Variants in F11R observed in about 807,000 individuals in gnomAD.
The protein encoded by F11R is junctional adhesion molecule A.
A neutral mutation model predicts 39.3 loss-of-function variants in F11R; 27 were observed. The observed-to-expected ratio is 0.69, with a 90% CI of 0.51 to 0.95. The LOEUF (loss-of-function observed/expected upper bound fraction) is 0.95, where lower values mean the gene tolerates loss of function less well. F11R is among the 40% of genes least tolerant of loss of function. The pLI, the probability that F11R is intolerant of heterozygous loss-of-function variation, is 0.00. For missense variants in F11R, 335 were observed against 372.7 expected, an observed-to-expected ratio of 0.90 and a Z score of 0.83; for synonymous variants, 131 against 144.9, an observed-to-expected ratio of 0.90 and a Z score of 0.69.
intron 1 of F11R, among the ~76,000 whole-genome samples, chr1:161,002,083 G>A (rs997043379): frequency 6.6e-6 from 1 of 151,958 alleles, no homozygotes; most frequent in Non-Finnish European, 1.5e-5. Context: ...GGCCAATATG[G>A]TGAAACCCCA....
intron 1 of F11R, among the ~76,000 whole-genome samples, chr1:161,004,673 C>T (rs1648698392): frequency 1.3e-5 from 2 of 152,004 alleles, no homozygotes. Context: ...CACACCAATG[C>T]ATTCCAGCCT....
chr1:160,998,792 A>G lies in F11R; in HGVS notation c.*79T>C. 7.0e-7 allele frequency: 1 copy of G among 1,420,328 alleles called. No individual in the cohort carries two copies. The highest frequency in any genetic ancestry group is 9.9e-7 in the Non-Finnish European group (1 of 1,005,328). The allele number at this position is 1,420,328 out of a possible 1,614,324, so 88.0% of individuals were successfully genotyped here. A position where few individuals can be genotyped will look rare whatever the true frequency, so the allele number is the denominator to read the frequency against. Reference sequence around the variant, plus strand: ...AGAAGACAAATAAGGCATCCTGTGAAACTACAGACATCAGGGGCCAGAGTC... The same window carrying G: ...AGAAGACAAATAAGGCATCCTGTGAGACTACAGACATCAGGGGCCAGAGTC... On this transcript the variant is annotated 3_prime_UTR_variant, in exon 10 of 10. Coordinates refer to ENST00000368026, the MANE Select transcript of F11R (RefSeq NM_016946.6).
chr1:161,020,553 C>T (rs953434194), intron 1 of F11R, among the ~76,000 whole-genome samples: 9 of 152,244 alleles, frequency 5.9e-5, no homozygotes, highest in Non-Finnish European at 1.0e-4. Context: ...AGACCACCTC[C>T]ATTTGATTTT....
At chr1:161,014,194 G>A (rs977516186) in intron 1 of F11R, among the ~76,000 whole-genome samples, 1 of 152,200 alleles carries the variant, frequency 6.6e-6, no homozygotes, top group South Asian at 2.1e-4. Context: ...AAACTGGTTT[G>A]AGTTTAGAGA....
intron 1 of F11R, among the ~76,000 whole-genome samples, chr1:161,008,208 T>C (rs1472544234): frequency 2.0e-5 from 3 of 152,142 alleles, no homozygotes; most frequent in Non-Finnish European, 2.9e-5. Flanking sequence ...AGAAAGTCCA[T>C]TCTCCAGCCA....
At position 161,009,130 on chromosome 1, in the gene F11R, T is replaced by C. The variant is rs543775898; in HGVS notation, c.65-7777A>G. 5.6e-4 allele frequency among the ~76,000 whole-genome samples: 86 copies of C among 152,262 alleles called. No individual in the cohort carries two copies. In the South Asian group the frequency reaches 0.013, roughly 22 times the overall value. Reference sequence around the variant, plus strand: ...CTATTTCTGCTATGTAGAACACCCTTTTCCCCCTCTTTATCTGGGCAGCAG... The same window carrying C: ...CTATTTCTGCTATGTAGAACACCCTCTTCCCCCTCTTTATCTGGGCAGCAG... On this transcript the variant is annotated intron_variant, in intron 1 of 9. Coordinates refer to ENST00000368026, the MANE Select transcript of F11R (RefSeq NM_016946.6).
At position 161,000,236 on chromosome 1, in the gene F11R, G is replaced by A. The variant is rs190880293; in HGVS notation, c.501C>T (p.Phe167=). 1 of 1,614,152 alleles carries A rather than the reference G, an allele frequency of 6.2e-7. No homozygotes were observed. The highest frequency in any genetic ancestry group is 2.2e-5 in the East Asian group (1 of 44,880). The stretch of plus-strand genomic sequence containing the variant: ...TCGTAGGCATCACTATCCCATCTTT[G>A]AACCAGGTGTATTCAGAAGGTGGGG... The part of the protein sequence containing the change: ...DGSPPSEYTW[F]KDGIVMPTNP... Residue 167 remains phenylalanine, a synonymous_variant, in exon 5 of 10, where the codon TTC becomes TTT. Transcript: ENST00000368026.
At chr1:161,015,767 G>GA (rs1246731121) in intron 1 of F11R, among the ~76,000 whole-genome samples, 3 of 151,580 alleles carry the variant, frequency 2.0e-5, no homozygotes, top group Non-Finnish European at 2.9e-5. Flanking sequence ...AGAAAGGGGA[G>GA]AAAAAACAAG....
At chr1:160,999,327 A>T in intron 8 of F11R, 69 bp downstream of exon 8, 1 of 1,604,468 alleles carries the variant, frequency 6.2e-7, no homozygotes, top group Non-Finnish European at 8.5e-7. Context: ...CCCTAGGCCC[A>T]CTTCAGCTTC....
intron 1 of F11R, among the ~76,000 whole-genome samples, chr1:161,013,171 A>G (rs1649267675): frequency 6.6e-6 from 1 of 151,208 alleles, no homozygotes; most frequent in African/African-American, 2.4e-5. Flanking sequence ...GAGGGGGAAA[A>G]GGAGGGAAAA....
At position 160,998,056 on chromosome 1, in the gene F11R, CTT is replaced by C. The variant is rs1032403510; in HGVS notation, c.*813_*814del. ...GGCATGCACCACTATGCCTGGCTAA[CTT>C]TGTATTTTTAGTAGGGTTTCTCCAT... On this transcript the variant is annotated 3_prime_UTR_variant, in exon 10 of 10. Coordinates refer to ENST00000368026, the MANE Select transcript of F11R (RefSeq NM_016946.6). The C allele has an allele frequency of 6.6e-6, 1 of 152,014 alleles. No individual in the cohort carries two copies. 9.4% of individuals were successfully genotyped at this position (152,014 alleles called of 1,614,324 possible). A position where few individuals can be genotyped will look rare whatever the true frequency, so the allele number is the denominator to read the frequency against.
intron 1 of F11R, among the ~76,000 whole-genome samples, chr1:161,003,121 G>GTTTTT (rs1240695928): frequency 8.1e-5 from 5 of 61,776 alleles, no homozygotes; most frequent in African/African-American, 1.9e-4. Flanking sequence ...GCTAATTTTT[G>GTTTTT]TATTTTTTTT....
At chr1:161,015,638 T>C (rs888744086) in intron 1 of F11R, among the ~76,000 whole-genome samples, 1 of 147,638 alleles carries the variant, frequency 6.8e-6, no homozygotes, top group African/African-American at 2.5e-5. Context: ...GCCATTGTAC[T>C]CCAGCCTGGG....
rs2481085 is a variant in F11R, at chr1:161,021,116, G to A, written c.-43C>T. On this transcript the variant is annotated 5_prime_UTR_variant, in exon 1 of 10. Transcript: ENST00000368026. ...CACAACAGCCGCCGAAGGACTCCTG[G>A]GAACAGACACAGCTCCGCGACTACA... 414,602 of 1,569,584 alleles carry A rather than the reference G, an allele frequency of 0.26. 55,849 individuals carry two copies. The highest frequency in any genetic ancestry group is 0.28 in the Non-Finnish European group (317,797 of 1,142,102).
intron 1 of F11R, among the ~76,000 whole-genome samples, chr1:161,017,083 G>A (rs572107759): frequency 1.3e-5 from 2 of 152,248 alleles, no homozygotes; most frequent in Admixed American, 6.5e-5. Context: ...CTCCTTAAGA[G>A]TCATCACCAC....
At chr1:161,004,392 G>A (rs1648682291) in intron 1 of F11R, among the ~76,000 whole-genome samples, 2 of 151,658 alleles carry the variant, frequency 1.3e-5, no homozygotes, top group Non-Finnish European at 1.5e-5. Context: ...AAACCTTATC[G>A]CTACTAAAAA....
rs768809750 is a variant in F11R at position 161,021,009 on chromosome 1, C to T, written c.64+1G>A. ...TTCCTCCCGAAACTCTGGGAACTTA[C>T]ACAACAGGATCGCCAATATGAAGAG... On this transcript the variant is annotated splice_donor_variant, in intron 1 of 9. Coordinates refer to ENST00000368026, the MANE Select transcript of F11R (RefSeq NM_016946.6). LOFTEE classifies it high-confidence loss of function. 3.7e-6 allele frequency: 6 copies of T among 1,614,142 alleles called. No homozygotes were observed. The East Asian group carries it at 6.7e-5, about 18-fold the overall frequency.
chr1:161,005,217 C>T (rs1006495903), intron 1 of F11R, among the ~76,000 whole-genome samples: 4 of 144,330 alleles, frequency 2.8e-5, no homozygotes, highest in Admixed American at 2.7e-4. Context: ...GGAAATTAAA[C>T]CAAATAGCTT....
intron 1 of F11R, among the ~76,000 whole-genome samples, chr1:161,019,404 C>G (rs1649626625): frequency 6.6e-6 from 1 of 151,786 alleles, no homozygotes; most frequent in Admixed American, 6.6e-5. Context: ...AAGACCAGCC[C>G]GACCAACATG....
Sources: gnomAD v4.1 joint callset for allele counts (sites outside exome capture counted in the v4.1 genomes callset) on GRCh38, gnomAD v4.1.1 for gene constraint, MANE v1.5 for transcripts, NCBI Gene and HGNC (gene_info 2026-07-23, HGNC 2026-07-21) for gene names.